LIPA: variants seen among roughly 807,000 people sequenced by gnomAD.
LIPA encodes the protein lipase A, lysosomal acid type, also known as lysosomal acid lipase/cholesteryl ester hydrolase.
In LIPA, 26 loss-of-function variants were observed where a neutral mutation model predicts 40.6. The observed-to-expected ratio is 0.64, with a 90% CI of 0.47 to 0.89. The LOEUF (loss-of-function observed/expected upper bound fraction) is 0.89. Among genes scored for constraint, LIPA ranks in the 40% least tolerant of loss-of-function variants. LIPA has a pLI of 0.00. For synonymous variants in LIPA, 188 were observed against 168.4 expected (o/e 1.12, Z -0.90); for missense variants, 455 against 479.6 (o/e 0.95, Z 0.48).
chr10:89,357,123 A>G (rs79809345), intron 2 of LIPA, among the ~76,000 whole-genome samples: 4,800 of 152,242 alleles, frequency 0.032, 135 homozygotes, highest in African/African-American at 0.075. Flanking sequence ...GAATAAGAAA[A>G]CATGCTTCCT....
chr10:89,338,766 A>G, intron 1 of LIPA: 8 of 1,614,106 alleles, frequency 5.0e-6, no homozygotes, highest in Non-Finnish European at 6.8e-6. Context: ...TAGAAGATAG[A>G]GTGTGTAACC....
chr10:89,306,255 A>G, intron 1 of LIPA: 3 of 1,614,148 alleles, frequency 1.9e-6, no homozygotes, highest in Non-Finnish European at 2.5e-6. Flanking sequence ...TGGGGAAACT[A>G]TGCCTGGGTC....
intron 1 of LIPA, among the ~76,000 whole-genome samples, chr10:89,282,497 G>A (rs986213737): frequency 2.0e-5 from 3 of 151,938 alleles, no homozygotes; most frequent in East Asian, 1.9e-4. Flanking sequence ...AAAATTAGCC[G>A]GGCATGGTGG....
chr10:89,305,989 C>A, intron 1 of LIPA: 2 of 1,612,712 alleles, frequency 1.2e-6, no homozygotes, highest in Non-Finnish European at 1.7e-6. Flanking sequence ...CCTTGGAGAG[C>A]AGCCTACGGC....
At chr10:89,413,469 G>C (rs1285555692) in intron 1 of LIPA, among the ~76,000 whole-genome samples, 10 of 152,296 alleles carry the variant, frequency 6.6e-5, no homozygotes, top group Admixed American at 5.2e-4. Context: ...ATCAGGCCAA[G>C]CATAGTGGCT....
intron 2 of LIPA, chr10:89,383,959 G>T: frequency 2.5e-6 from 4 of 1,614,200 alleles, no homozygotes; most frequent in Non-Finnish European, 3.4e-6. Context: ...AAATCCAGAT[G>T]ATGTATATAT....
At chr10:89,275,415 T>C (rs1016649705) in intron 1 of LIPA, among the ~76,000 whole-genome samples, 1 of 152,180 alleles carries the variant, frequency 6.6e-6, no homozygotes, top group African/African-American at 2.4e-5. Flanking sequence ...TGGGTTCTAG[T>C]CCGTATTTGT....
rs191254658 is a variant in LIPA at position 89,389,859 on chromosome 10, G to A, written c.61+22932C>T. On this transcript the variant is annotated intron_variant, in intron 2 of 8. Coordinates refer to the LIPA transcript ENST00000371837. The stretch of plus-strand genomic sequence containing the variant: ...AACAGGAAGTGGGTCCAGGGATTGA[G>A]TCCCATATCTCTCAGTCAGAGAATT... Among the ~76,000 whole-genome samples, 1,107 of 152,100 alleles carry A rather than the reference G, an allele frequency of 7.3e-3. 5 individuals carry two copies. Among genetic ancestry groups the A allele is most frequent in the Non-Finnish European group, 0.011 (729 of 68,008 alleles).
intron 1 of LIPA, chr10:89,327,801 C>G: frequency 2.2e-6 from 1 of 455,514 alleles, no homozygotes; most frequent in South Asian, 2.9e-5. Context: ...TTTTGAATAA[C>G]GTACTCTGGC....
intron 2 of LIPA, among the ~76,000 whole-genome samples, chr10:89,407,775 C>T (rs1841435567): frequency 1.3e-5 from 2 of 152,052 alleles, no homozygotes; most frequent in African/African-American, 2.4e-5. Context: ...CCGCTAAGTC[C>T]GATTTTTCTC....
At chr10:89,329,904 A>G (rs1211115592) in intron 1 of LIPA, among the ~76,000 whole-genome samples, 1 of 151,988 alleles carries the variant, frequency 6.6e-6, no homozygotes, top group East Asian at 1.9e-4. Context: ...CCATTTTATA[A>G]GATTTGGGTA....
intron 2 of LIPA, among the ~76,000 whole-genome samples, chr10:89,359,507 C>T (rs1844007890): frequency 6.6e-6 from 1 of 152,162 alleles, no homozygotes; most frequent in African/African-American, 2.4e-5. Context: ...CTGCCCAGGG[C>T]CTTAGCAGCC....
intron 1 of LIPA, 22 bp from the exon 2 acceptor site, chr10:89,247,671 T>C (rs755729965): frequency 6.7e-7 from 1 of 1,503,304 alleles, no homozygotes; most frequent in Non-Finnish European, 9.3e-7. Flanking sequence ...AACAGTCTAT[T>C]ATTATTTGCT....
chr10:89,217,586 G>A (rs1842643711), intron 8 of LIPA, among the ~76,000 whole-genome samples: 1 of 152,170 alleles, frequency 6.6e-6, no homozygotes, highest in South Asian at 2.1e-4. Context: ...TCAGACTGAA[G>A]TTCTAAATTT....
At chr10:89,374,046 G>T (rs1440091466) in intron 2 of LIPA, among the ~76,000 whole-genome samples, 3 of 152,168 alleles carry the variant, frequency 2.0e-5, no homozygotes, top group African/African-American at 7.2e-5. Context: ...TCAGGCATCT[G>T]CATTTTTAAA....
chr10:89,307,148 G>A, intron 1 of LIPA: 1 of 1,613,650 alleles, frequency 6.2e-7, no homozygotes, highest in Non-Finnish European at 8.5e-7. Context: ...CTTTATAGAG[G>A]GTGTAAAAAT....
rs1250196831 is a variant in LIPA, at chr10:89,322,629, A to G, written c.-2+19982T>C. Among the ~76,000 whole-genome samples the G allele has an allele frequency of 2.1e-5, 3 of 140,728 alleles. No homozygotes were observed. In the Admixed American group the frequency reaches 2.2e-4, roughly 10 times the overall value. The allele number at this position is 140,728 out of a possible 152,430, so 92.3% of individuals were successfully genotyped here. ...GAGCCCCCCAGACATTTTGGAGGGC[A>G]ACTCTCTAGTCCAAGGAGACTTCTG... On this transcript the variant is annotated intron_variant, in intron 1 of 5. Transcript: ENST00000282673.
chr10:89,238,666 C>T (rs551293960), intron 3 of LIPA, among the ~76,000 whole-genome samples: 1 of 152,242 alleles, frequency 6.6e-6, no homozygotes, highest in African/African-American at 2.4e-5. Context: ...GAATGAAGAC[C>T]TTTATGATGA....
At chr10:89,242,555 A>T (rs1053182744) in intron 3 of LIPA, among the ~76,000 whole-genome samples, 3 of 152,128 alleles carry the variant, frequency 2.0e-5, no homozygotes, top group East Asian at 1.9e-4. Flanking sequence ...CTGTGTTCAT[A>T]AAAAAAACCT....
Sources: allele counts gnomAD v4.1 joint callset (sites outside exome capture counted in the v4.1 genomes callset), GRCh38; gene constraint gnomAD v4.1.1; transcripts MANE v1.5; gene names NCBI Gene and HGNC (gene_info 2026-07-23, HGNC 2026-07-21).